Variants in ELF2 observed in about 807,000 individuals in gnomAD.
The protein encoded by ELF2 is E74 like ETS transcription factor 2.
ELF2 carries 11 observed loss-of-function variants against 54.8 expected under a neutral mutation model. That is an observed-to-expected ratio of 0.20 (90% CI 0.13 to 0.33). ELF2 has a LOEUF of 0.33. ELF2 is among the 10% of genes least tolerant of loss of function. The probability of loss-of-function intolerance (pLI) is 1.00; values close to 1 mark genes in which losing one functional copy is unlikely to be tolerated. For synonymous variants in ELF2, 203 were observed against 245.1 expected, an observed-to-expected ratio of 0.83 and a Z score of 1.61; for missense variants, 513 against 703.0, an observed-to-expected ratio of 0.73 and a Z score of 3.06.
Position 139,065,276 on chromosome 4 carries a change from G to A in ELF2, c.613+2408C>T, listed in dbSNP as rs531769339. On this transcript the variant is annotated intron_variant, in intron 7 of 9. Coordinates refer to ENST00000686138, the MANE Select transcript of ELF2 (RefSeq NM_001331036.3). The stretch of plus-strand genomic sequence containing the variant: ...AAGGATCACTTGAGCCTAGGAGTAT[G>A]AGAATAGCCTAGGCAACATAGGGGG... 4.6e-5 allele frequency among the ~76,000 whole-genome samples: 7 copies of A among 152,242 alleles called. No individual in the cohort carries two copies. The East Asian group carries it at 7.7e-4, about 17-fold the overall frequency.
intron 1 of ELF2, among the ~76,000 whole-genome samples, chr4:139,148,453 A>C (rs1452103346): frequency 6.8e-6 from 1 of 147,596 alleles, no homozygotes; most frequent in Non-Finnish European, 1.5e-5. Context: ...CTGTGATTGC[A>C]GGCCTGAGCC....
chr4:139,162,167 C>T (rs1460416898), intron 1 of ELF2, among the ~76,000 whole-genome samples: 1 of 151,844 alleles, frequency 6.6e-6, no homozygotes, highest in African/African-American at 2.4e-5. Flanking sequence ...CCATTGCACT[C>T]CAGCCTGGGC....
At chr4:139,122,496 T>TTTTTGTTTTGTTTTG (rs55655731) in intron 4 of ELF2, among the ~76,000 whole-genome samples, 16,846 of 150,518 alleles carry the variant, frequency 0.11, 1,600 homozygotes, top group East Asian at 0.43. Context: ...CTTTTTTTAG[T>TTTTTGTTTTGTTTTG]TTTTGTTTTG....
chr4:139,139,544 A>ATATT, intron 1 of ELF2, 47 bp from the exon 2 acceptor site: 1 of 1,035,234 alleles, frequency 9.7e-7, no homozygotes, highest in Non-Finnish European at 1.2e-6. Flanking sequence ...AATTATATTA[A>ATATT]AAAGCACTAT....
intron 4 of ELF2, among the ~76,000 whole-genome samples, chr4:139,083,104 GAGC>G (rs1050225201): frequency 2.0e-5 from 3 of 151,902 alleles, no homozygotes; most frequent in African/African-American, 7.3e-5. Flanking sequence ...ACACCTCAGA[GAGC>G]AGATTGGAAC....
At chr4:139,124,166 CCACA>C (rs2148833954) in intron 4 of ELF2, among the ~76,000 whole-genome samples, 1 of 152,296 alleles carries the variant, frequency 6.6e-6, no homozygotes, top group East Asian at 1.9e-4. Flanking sequence ...ATGCACACCA[CCACA>C]CCCAGCTTGG....
At chr4:139,102,559 G>A (rs1440540530) in intron 4 of ELF2, among the ~76,000 whole-genome samples, 7 of 146,860 alleles carry the variant, frequency 4.8e-5, no homozygotes, top group African/African-American at 1.5e-4. Context: ...AGGAAGTATC[G>A]GCCGGGCATG....
chr4:139,147,414 A>G (rs1739326359), intron 1 of ELF2, among the ~76,000 whole-genome samples: 1 of 152,226 alleles, frequency 6.6e-6, no homozygotes, highest in African/African-American at 2.4e-5. Flanking sequence ...GTGAAAAGGG[A>G]ACACTTATGC....
rs530726969 is a variant in ELF2 at position 139,115,033 on chromosome 4, T to G, written c.238+10131A>C. The G allele has an allele frequency of 2.4e-5, 39 of 1,613,920 alleles. No individual in the cohort carries two copies. The Middle Eastern group carries it at 9.9e-4, about 41-fold the overall frequency. On this transcript the variant is annotated intron_variant, in intron 4 of 9. Coordinates refer to ENST00000686138, the MANE Select transcript of ELF2 (RefSeq NM_001331036.3). ...TTTGTAACAGTCAACCAGCAGCTCC[T>G]TGACCGTGGCAGCCCGGGCATCGTC...
intron 1 of ELF2, among the ~76,000 whole-genome samples, chr4:139,153,959 T>C (rs114953909): frequency 0.019 from 2,824 of 152,294 alleles, 89 homozygotes; most frequent in African/African-American, 0.064. Context: ...TTCTTTCCCC[T>C]TTCCCTACTG....
chr4:139,114,561 TCACACACACACACACACA>T (rs776035411), intron 4 of ELF2, among the ~76,000 whole-genome samples: 1 of 108,636 alleles, frequency 9.2e-6, no homozygotes, highest in Admixed American at 1.2e-4. Flanking sequence ...GACTTCAGTC[TCACACACACACACACACA>T]CACACACACA....
chr4:139,137,361 C>A, intron 3 of ELF2: 1 of 477,698 alleles, frequency 2.1e-6, no homozygotes, highest in Non-Finnish European at 3.7e-6. Context: ...TTAAATTTAA[C>A]TCTCAACTAA....
At chr4:139,143,152 G>A (rs192119677) in intron 1 of ELF2, among the ~76,000 whole-genome samples, 1 of 152,258 alleles carries the variant, frequency 6.6e-6, no homozygotes, top group Non-Finnish European at 1.5e-5. Context: ...GTTAATTTCG[G>A]TCATTCTAGC....
chr4:139,098,344 C>T (rs929742719), intron 4 of ELF2, among the ~76,000 whole-genome samples: 3 of 152,140 alleles, frequency 2.0e-5, no homozygotes, highest in African/African-American at 7.2e-5. Context: ...CTAGATTGTT[C>T]CTTTTAGCAG....
intron 4 of ELF2, among the ~76,000 whole-genome samples, chr4:139,075,728 A>C (rs1730220396): frequency 6.6e-6 from 1 of 152,076 alleles, no homozygotes. Context: ...CACGCCAGGC[A>C]GGTATTTATT....
upstream of ELF2, among the ~76,000 whole-genome samples, chr4:139,177,720 C>A (rs1743120287): frequency 6.6e-6 from 1 of 151,914 alleles, no homozygotes; most frequent in African/African-American, 2.4e-5. Flanking sequence ...CGGCCGGGAC[C>A]GCACGCACAC....
intron 4 of ELF2, among the ~76,000 whole-genome samples, chr4:139,117,127 G>A (rs1560829998): frequency 6.6e-6 from 1 of 152,062 alleles, no homozygotes; most frequent in Non-Finnish European, 1.5e-5. Flanking sequence ...GTCTTGATAC[G>A]TGGTTAAGGA....
At chr4:139,121,131 C>G (rs1168997137) in intron 4 of ELF2, among the ~76,000 whole-genome samples, 1 of 88,652 alleles carries the variant, frequency 1.1e-5, no homozygotes, top group Admixed American at 1.8e-4. Flanking sequence ...TTTTTTGAGA[C>G]GGAGTCTTGC....
chr4:139,107,703 A>C (rs1354436459), intron 4 of ELF2, among the ~76,000 whole-genome samples: 3 of 152,180 alleles, frequency 2.0e-5, no homozygotes, highest in African/African-American at 7.2e-5. Flanking sequence ...TAACTCCCTT[A>C]ATCTTCTTGT....
Sources: gnomAD v4.1 joint callset for allele counts (sites outside exome capture counted in the v4.1 genomes callset) on GRCh38, gnomAD v4.1.1 for gene constraint, MANE v1.5 for transcripts, NCBI Gene and HGNC (gene_info 2026-07-23, HGNC 2026-07-21) for gene names.